The following GALNT10 variants were observed in gnomAD, a reference collection of about 807,000 sequenced individuals.
The protein encoded by GALNT10 is polypeptide N-acetylgalactosaminyltransferase 10, also known as GalNAc transferase 10.
Under a neutral mutation model 75.0 loss-of-function variants are expected in GALNT10, and 41 were observed. That is an observed-to-expected ratio of 0.55 (90% CI 0.43 to 0.71). The LOEUF is 0.71. GALNT10 is among the 30% of genes least tolerant of loss of function. GALNT10 has a pLI of 0.00. For missense variants in GALNT10, 727 were observed against 818.5 expected, an observed-to-expected ratio of 0.89 and a Z score of 1.36; for synonymous variants, 302 against 313.0, an observed-to-expected ratio of 0.96 and a Z score of 0.37.
At chr5:154,363,725 T>C (rs1755432145) in intron 4 of GALNT10, among the ~76,000 whole-genome samples, 1 of 152,088 alleles carries the variant, frequency 6.6e-6, no homozygotes, top group Non-Finnish European at 1.5e-5. Context: ...TCATGAGTGG[T>C]CATTTTATTG....
At chr5:154,384,681 C>G (rs1321236464) in intron 6 of GALNT10, among the ~76,000 whole-genome samples, 4 of 152,212 alleles carry the variant, frequency 2.6e-5, no homozygotes, top group Non-Finnish European at 5.9e-5. Context: ...TTCCGAATTT[C>G]TCACGCCCTG....
intron 1 of GALNT10, among the ~76,000 whole-genome samples, chr5:154,282,436 A>G (rs1329247113): frequency 5.9e-5 from 9 of 152,230 alleles, no homozygotes; most frequent in Admixed American, 5.9e-4. Flanking sequence ...ATGTCAGGAA[A>G]ATATCATCTT....
At chr5:154,248,746 CTT>C (rs1171341632) in intron 1 of GALNT10, among the ~76,000 whole-genome samples, 1 of 152,142 alleles carries the variant, frequency 6.6e-6, no homozygotes, top group Non-Finnish European at 1.5e-5. Flanking sequence ...TTTTGTTGAT[CTT>C]TTCAAAAAAT....
chr5:154,264,700 A>G (rs146364380), intron 1 of GALNT10, among the ~76,000 whole-genome samples: 34 of 152,346 alleles, frequency 2.2e-4, no homozygotes, highest in African/African-American at 8.2e-4. Context: ...TTAGAATACC[A>G]AGAGACAGAG....
At chr5:154,250,015 C>A (rs917744056) in intron 1 of GALNT10, among the ~76,000 whole-genome samples, 3 of 152,192 alleles carry the variant, frequency 2.0e-5, no homozygotes, top group Non-Finnish European at 2.9e-5. Context: ...ACATGGAAAT[C>A]AATCATGCAC....
At chr5:154,195,458 T>A (rs1160512587) in intron 1 of GALNT10, among the ~76,000 whole-genome samples, 1 of 152,210 alleles carries the variant, frequency 6.6e-6, no homozygotes, top group Admixed American at 6.5e-5. Context: ...AAGTGTATCA[T>A]GGCCTCCCTG....
chr5:154,309,740 G>A (rs1227120545), intron 3 of GALNT10, among the ~76,000 whole-genome samples: 1 of 152,204 alleles, frequency 6.6e-6, no homozygotes, highest in East Asian at 1.9e-4. Context: ...TTTGGGAAGA[G>A]CAATTTTGGG....
intron 3 of GALNT10, among the ~76,000 whole-genome samples, chr5:154,325,262 T>C (rs1034454383): frequency 6.6e-6 from 1 of 152,164 alleles, no homozygotes; most frequent in South Asian, 2.1e-4. Flanking sequence ...GAGACAAATA[T>C]CTTAACTTTT....
At chr5:154,266,979 GTCCCCT>G in intron 1 of GALNT10, among the ~76,000 whole-genome samples, 1 of 152,226 alleles carries the variant, frequency 6.6e-6, no homozygotes, top group Non-Finnish European at 1.5e-5. Context: ...TAGGCTTTCA[GTCCCCT>G]GTAGATCTTA....
At chr5:154,344,432 G>C (rs138394355) in intron 4 of GALNT10, among the ~76,000 whole-genome samples, 2,026 of 151,926 alleles carry the variant, frequency 0.013, 45 homozygotes, top group African/African-American at 0.047. Context: ...GGATGGTCTC[G>C]ATCTCCTGAC....
intron 1 of GALNT10, among the ~76,000 whole-genome samples, chr5:154,229,224 G>A (rs1057177680): frequency 6.6e-6 from 1 of 152,120 alleles, no homozygotes; most frequent in African/African-American, 2.4e-5. Flanking sequence ...ATGAACTCCT[G>A]GGCTTTACAT....
rs78403928 is a variant in GALNT10 at position 154,367,153 on chromosome 5, G to A, written c.569-9124G>A. Among the ~76,000 whole-genome samples the A allele has an allele frequency of 6.4e-3, 981 of 152,304 alleles. 7 individuals are homozygous for A. Among genetic ancestry groups the A allele is most frequent in the African/African-American group, 0.022 (935 of 41,560 alleles). On this transcript the variant is annotated intron_variant, in intron 4 of 11. Coordinates refer to ENST00000297107, the MANE Select transcript of GALNT10 (RefSeq NM_198321.4). ...ATCACACCTTGTATTTCAGTTATAT[G>A]TGTGTGTATACTTTTGTATATATTT... is the stretch of plus-strand genomic sequence containing the variant.
chr5:154,289,249 C>T (rs564583502), intron 1 of GALNT10, among the ~76,000 whole-genome samples: 1 of 152,208 alleles, frequency 6.6e-6, no homozygotes, highest in African/African-American at 2.4e-5. Context: ...CTCAGTTAAT[C>T]CTCCCAACAG....
At chr5:154,196,663 A>G (rs776839990) in intron 1 of GALNT10, among the ~76,000 whole-genome samples, 3 of 152,208 alleles carry the variant, frequency 2.0e-5, no homozygotes, top group African/African-American at 7.2e-5. Context: ...CTCCTCTGGT[A>G]GCTTCTACAA....
chr5:154,281,978 T>G (rs1019225956), intron 1 of GALNT10, among the ~76,000 whole-genome samples: 25 of 152,216 alleles, frequency 1.6e-4, no homozygotes, highest in Admixed American at 8.5e-4. Context: ...TGAGGCTGGC[T>G]CGTAACCTGT....
chr5:154,217,306 A>G (rs1752890291), intron 1 of GALNT10, among the ~76,000 whole-genome samples: 1 of 152,014 alleles, frequency 6.6e-6, no homozygotes, highest in Admixed American at 6.5e-5. Flanking sequence ...ATGCCCATGG[A>G]GCTCCAGGAT....
intron 1 of GALNT10, among the ~76,000 whole-genome samples, chr5:154,223,780 C>T (rs543959155): frequency 4.6e-5 from 7 of 152,032 alleles, no homozygotes; most frequent in South Asian, 2.1e-4. Flanking sequence ...ATTAACTGGG[C>T]GTGGTGGTGC....
At chr5:154,223,445 G>A (rs1044038700) in intron 1 of GALNT10, among the ~76,000 whole-genome samples, 1 of 152,220 alleles carries the variant, frequency 6.6e-6, no homozygotes, top group Non-Finnish European at 1.5e-5. Flanking sequence ...TGCCTCTCTA[G>A]TATAAGGTAG....
chr5:154,367,909 A>C (rs1231142798), intron 4 of GALNT10, among the ~76,000 whole-genome samples: 1 of 151,802 alleles, frequency 6.6e-6, no homozygotes, highest in Non-Finnish European at 1.5e-5. Context: ...AAAAAGAAGA[A>C]CTTCATTTTT....
Sources: allele counts gnomAD v4.1 joint callset (sites outside exome capture counted in the v4.1 genomes callset), GRCh38; gene constraint gnomAD v4.1.1; transcripts MANE v1.5; gene names NCBI Gene and HGNC (gene_info 2026-07-23, HGNC 2026-07-21).